SHOC1: variants seen among roughly 807,000 people sequenced by gnomAD.
SHOC1 encodes the protein protein shortage in chiasmata 1 ortholog.
A neutral mutation model predicts 179.2 loss-of-function variants in SHOC1; 136 were observed. The observed-to-expected ratio is 0.76, with a 90% CI of 0.66 to 0.87. The LOEUF is 0.87. Ranked by LOEUF, SHOC1 falls within the 40% of genes least tolerant of loss-of-function variation. The probability of loss-of-function intolerance (pLI) is 0.00; values close to 1 mark genes in which losing one functional copy is unlikely to be tolerated. For synonymous variants in SHOC1, 489 were observed against 586.6 expected, an observed-to-expected ratio of 0.83 and a Z score of 2.41; for missense variants, 1,538 against 1,700.8, an observed-to-expected ratio of 0.90 and a Z score of 1.68.
intron 15 of SHOC1, 75 bp from the exon 16 acceptor site, chr9:111,718,363 A>G: frequency 1.1e-6 from 1 of 912,966 alleles, no homozygotes; most frequent in Non-Finnish European, 1.6e-6. Flanking sequence ...AATCTGCCTA[A>G]TAATGGGAGC....
intron 5 of SHOC1, among the ~76,000 whole-genome samples, chr9:111,760,681 A>G (rs1248600328): frequency 6.6e-6 from 1 of 152,010 alleles, no homozygotes; most frequent in Non-Finnish European, 1.5e-5. Context: ...TAAAAATACC[A>G]ATTTGTGAAC....
chr9:111,707,997 T>C (rs1033241735), intron 18 of SHOC1, 73 bp from the exon 19 acceptor site: 2 of 770,290 alleles, frequency 2.6e-6, no homozygotes, highest in Admixed American at 5.8e-5. Flanking sequence ...TATATTTCAC[T>C]ACCATAAAAA....
At chr9:111,741,079 T>A (rs995065379) in intron 11 of SHOC1, among the ~76,000 whole-genome samples, 5 of 152,220 alleles carry the variant, frequency 3.3e-5, no homozygotes, top group Admixed American at 3.3e-4. Context: ...GTTAAAATGT[T>A]TTTAAACGTC....
chr9:111,781,610 C>A (rs1016038221), intron 3 of SHOC1, among the ~76,000 whole-genome samples: 1 of 147,664 alleles, frequency 6.8e-6, no homozygotes, highest in African/African-American at 2.5e-5. Flanking sequence ...CTAGTCCCAA[C>A]TACTTGGAAG....
chr9:111,737,894 T>C (rs1833879446), intron 12 of SHOC1: 3 of 225,914 alleles, frequency 1.3e-5, no homozygotes, highest in Middle Eastern at 1.4e-3. Context: ...TATTATTGAA[T>C]GCTAATGTTC....
chr9:111,696,534 T>C (rs1376764960), intron 24 of SHOC1, among the ~76,000 whole-genome samples: 2 of 152,174 alleles, frequency 1.3e-5, no homozygotes, highest in Non-Finnish European at 2.9e-5. Flanking sequence ...TGACCTGCTT[T>C]TTAGATTATT....
At chr9:111,769,975 G>GTTTGTTTTTTTTTTTTTTTTTTTTTTT (rs1564161086) in intron 5 of SHOC1, among the ~76,000 whole-genome samples, 4 of 87,796 alleles carry the variant, frequency 4.6e-5, no homozygotes, top group African/African-American at 1.6e-4. Context: ...TTTATCTTCT[G>GTTTGTTTTTTTTTTTTTTTTTTTTTTT]TTTTTTTTTT....
chr9:111,730,671 C>G (rs1017108401), intron 12 of SHOC1, among the ~76,000 whole-genome samples: 2 of 152,152 alleles, frequency 1.3e-5, no homozygotes, highest in African/African-American at 2.4e-5. Flanking sequence ...TTATAGAGCA[C>G]AGAAAGTGTA....
intron 11 of SHOC1, among the ~76,000 whole-genome samples, chr9:111,739,307 A>G (rs1257045631): frequency 3.9e-5 from 6 of 152,170 alleles, no homozygotes; most frequent in Non-Finnish European, 5.9e-5. Context: ...TTATTAAAGT[A>G]TAACTGACAT....
At chr9:111,735,446 G>A (rs1245937175) in intron 12 of SHOC1, among the ~76,000 whole-genome samples, 1 of 151,898 alleles carries the variant, frequency 6.6e-6, no homozygotes, top group African/African-American at 2.4e-5. Context: ...TTGATTTTCT[G>A]TTCCTGTGTT....
At chr9:111,749,133 G>A (rs987486842) in intron 8 of SHOC1, among the ~76,000 whole-genome samples, 3 of 151,534 alleles carry the variant, frequency 2.0e-5, no homozygotes, top group Admixed American at 1.3e-4. Context: ...AACATACTCA[G>A]TGGTTCTTTA....
intron 18 of SHOC1, among the ~76,000 whole-genome samples, chr9:111,708,212 A>AT (rs1422957225): frequency 5.6e-5 from 8 of 143,146 alleles, no homozygotes; most frequent in South Asian, 2.2e-4. Context: ...TTTATTTTTT[A>AT]TTTTTTTTGA....
intron 4 of SHOC1, among the ~76,000 whole-genome samples, chr9:111,778,194 T>A (rs1835900909): frequency 6.6e-6 from 1 of 152,144 alleles, no homozygotes; most frequent in Admixed American, 6.5e-5. Context: ...TGGTGCCTCC[T>A]CCTTTGCATA....
At position 111,738,446 on chromosome 9, in the gene SHOC1, G is replaced by C. The variant is rs771538422; in HGVS notation, c.1251C>G (p.Ser417Arg). Residue 417 changes from serine to arginine, a missense_variant, in exon 12 of 28, where the codon AGC becomes AGG. By Grantham distance (110) the Ser-to-Arg change is moderately radical (BLOSUM62 -1). Transcript: ENST00000682961. ...CTGCCTTTTCCAGATTAATCACAAG[G>C]CTTTCTTCTTTAACAGAAAATATCT... ...LKKIFSVKEE[S>R]LVINLEKAEW... 3 of 1,607,576 alleles carry C rather than the reference G, an allele frequency of 1.9e-6. No homozygotes were observed. The highest frequency in any genetic ancestry group is 1.7e-5 in the Admixed American group (1 of 58,792).
intron 2 of SHOC1, among the ~76,000 whole-genome samples, chr9:111,789,937 T>C (rs533600926): frequency 9.4e-4 from 143 of 152,338 alleles, no homozygotes; most frequent in African/African-American, 3.4e-3. Flanking sequence ...CTGTAAAATG[T>C]AGCACAGTTT....
intron 12 of SHOC1, among the ~76,000 whole-genome samples, chr9:111,730,583 A>AGG (rs1478253642): frequency 2.6e-5 from 4 of 152,224 alleles, no homozygotes; most frequent in Non-Finnish European, 5.9e-5. Context: ...TCTGAGTAGT[A>AGG]GGTCTCAACA....
At position 111,758,862 on chromosome 9, in the gene SHOC1, A is replaced by T. The variant is rs1258759553; in HGVS notation, c.443-14T>A. On this transcript the variant is annotated splice_polypyrimidine_tract_variant and intron_variant, in intron 5 of 27. Coordinates refer to ENST00000682961, the MANE Select transcript of SHOC1 (RefSeq NM_001378211.1). ...CAATAAATAAATCTGAAAAGAAATAAGAAATATAAAGGAATAAGAAAAAAA... is the reference window on the plus strand; with the variant it reads ...CAATAAATAAATCTGAAAAGAAATATGAAATATAAAGGAATAAGAAAAAAA... The T allele has an allele frequency of 1.4e-6, 2 of 1,388,564 alleles. No individual in the cohort carries two copies. The highest frequency in any genetic ancestry group is 2.5e-4 in the Middle Eastern group (1 of 4,006). The allele number at this position is 1,388,564 out of a possible 1,614,324, so 86.0% of individuals were successfully genotyped here.
Position 111,758,080 on chromosome 9 carries a change from CA to C in SHOC1, c.708+3del. The C allele has an allele frequency of 2.1e-6, 3 of 1,423,492 alleles. No homozygotes were observed. Among genetic ancestry groups the C allele is most frequent in the Non-Finnish European group, 1.9e-6 (2 of 1,036,848 alleles). The allele number at this position is 1,423,492 out of a possible 1,614,324, so 88.2% of individuals were successfully genotyped here. Reference sequence around the variant, plus strand: ...AAAATATTATTGAAAGCCAGTATTACAACCTCATTTAAACATATTGTATCTT... The same window carrying C: ...AAAATATTATTGAAAGCCAGTATTACACCTCATTTAAACATATTGTATCTT... On this transcript the variant is annotated splice_donor_region_variant and intron_variant, in intron 7 of 27. Transcript: ENST00000682961.
intron 9 of SHOC1, 26 bp from the exon 10 acceptor site, chr9:111,746,368 T>C: frequency 1.4e-6 from 2 of 1,435,522 alleles, no homozygotes; most frequent in Non-Finnish European, 2.0e-6. Context: ...ATTAAAGTTA[T>C]GTAAACATTG....
Sources: gnomAD v4.1 joint callset for allele counts (sites outside exome capture counted in the v4.1 genomes callset) on GRCh38, gnomAD v4.1.1 for gene constraint, MANE v1.5 for transcripts, NCBI Gene and HGNC (gene_info 2026-07-23, HGNC 2026-07-21) for gene names.